ANKS1B: variants seen among roughly 807,000 people sequenced by gnomAD.
The protein encoded by ANKS1B is ankyrin repeat and sterile alpha motif domain-containing protein 1B.
ANKS1B carries 36 observed loss-of-function variants against 148.3 expected under a neutral mutation model. The ratio of observed to expected loss-of-function variants is 0.24; its 90% CI spans 0.19 to 0.32. ANKS1B has a LOEUF of 0.32. Ranked by LOEUF, ANKS1B falls within the 10% of genes least tolerant of loss-of-function variation. ANKS1B has a pLI of 1.00. For missense variants in ANKS1B, 1,157 were observed against 1,542.6 expected (o/e 0.75, Z 4.19); for synonymous variants, 542 against 560.8 (o/e 0.97, Z 0.47).
chr12:99,866,247 T>C (rs946626489), intron 1 of ANKS1B, among the ~76,000 whole-genome samples: 1 of 152,162 alleles, frequency 6.6e-6, no homozygotes, highest in Non-Finnish European at 1.5e-5. Flanking sequence ...CCTAACTTTG[T>C]CCCTGGTCTT....
chr12:99,504,271 G>A (rs145831046), intron 10 of ANKS1B, among the ~76,000 whole-genome samples: 17 of 152,224 alleles, frequency 1.1e-4, no homozygotes, highest in African/African-American at 4.1e-4. Flanking sequence ...GTCCATTATG[G>A]CTTTTACCAG....
At chr12:99,582,180 T>G (rs1052637944) in intron 9 of ANKS1B, among the ~76,000 whole-genome samples, 1 of 151,700 alleles carries the variant, frequency 6.6e-6, no homozygotes, top group African/African-American at 2.4e-5. Context: ...TGGCCAATAA[T>G]AAGAATATGA....
rs1555536431 is a variant in ANKS1B at position 99,667,353 on chromosome 12, A to AAAAAAGAAAAGAAAAG, written c.1129-12144_1129-12143insCTTTTCTTTTCTTTTT. 2.9e-4 allele frequency among the ~76,000 whole-genome samples: 43 copies of AAAAAAGAAAAGAAAAG among 148,196 alleles called. No homozygotes were observed. In the East Asian group the frequency reaches 8.3e-3, roughly 29 times the overall value. On this transcript the variant is annotated intron_variant, in intron 8 of 26. Coordinates refer to ENST00000683438, the MANE Select transcript of ANKS1B (RefSeq NM_001352186.2). Reference sequence around the variant, plus strand: ...GACAGAGCGAGACTCTGTCTCAAAAAAAAAGAAAAGAAAAGAAAAGAAAAG... The same window carrying AAAAAAGAAAAGAAAAG: ...GACAGAGCGAGACTCTGTCTCAAAAAAAAAAGAAAAGAAAAGAAAAGAAAAGAAAAGAAAAGAAAAG...
chr12:99,515,563 T>C (rs1051108121), intron 9 of ANKS1B, among the ~76,000 whole-genome samples: 11 of 152,150 alleles, frequency 7.2e-5, no homozygotes, highest in African/African-American at 2.4e-4. Context: ...AGTTTCTGTA[T>C]CCATTCTTCT....
chr12:99,054,227 G>A (rs991280591), intron 16 of ANKS1B, among the ~76,000 whole-genome samples: 1 of 152,150 alleles, frequency 6.6e-6, no homozygotes, highest in Non-Finnish European at 1.5e-5. Flanking sequence ...CAACCTGATG[G>A]GGGCCTTCGG....
chr12:98,934,928 T>C (rs534056530), intron 17 of ANKS1B, among the ~76,000 whole-genome samples: 118 of 152,112 alleles, frequency 7.8e-4, no homozygotes, highest in African/African-American at 2.7e-3. Flanking sequence ...CTGCAAACAA[T>C]GTGGACAATT....
intron 14 of ANKS1B, among the ~76,000 whole-genome samples, chr12:99,200,033 G>T (rs575885378): frequency 3.3e-4 from 50 of 152,340 alleles, no homozygotes; most frequent in African/African-American, 1.1e-3. Context: ...TTCAGGCACA[G>T]GCCAGAACTG....
At chr12:99,972,098 C>T (rs186822856) in intron 1 of ANKS1B, among the ~76,000 whole-genome samples, 1 of 152,256 alleles carries the variant, frequency 6.6e-6, no homozygotes, top group Admixed American at 6.5e-5. Flanking sequence ...TCTCACCACT[C>T]CACCAACTGG....
At chr12:99,929,749 A>T (rs1222615527) in intron 1 of ANKS1B, among the ~76,000 whole-genome samples, 2 of 152,218 alleles carry the variant, frequency 1.3e-5, no homozygotes, top group African/African-American at 2.4e-5. Context: ...ATTTATTAAA[A>T]AGGGAATCCT....
chr12:99,231,111 G>A (rs979250069), intron 14 of ANKS1B, among the ~76,000 whole-genome samples: 2 of 152,136 alleles, frequency 1.3e-5, no homozygotes, highest in Non-Finnish European at 2.9e-5. Context: ...GAAAATAAGT[G>A]AAACCTAGGT....
At chr12:98,878,157 TA>T (rs1160445430) in intron 17 of ANKS1B, among the ~76,000 whole-genome samples, 3 of 106,778 alleles carry the variant, frequency 2.8e-5, no homozygotes, top group Non-Finnish European at 6.6e-5. Flanking sequence ...CTACATTTTC[TA>T]ATTTTTTTTT....
chr12:99,638,486 T>C (rs1258143938), intron 9 of ANKS1B, among the ~76,000 whole-genome samples: 3 of 152,190 alleles, frequency 2.0e-5, no homozygotes, highest in Non-Finnish European at 4.4e-5. Context: ...ATTTTGCTCC[T>C]GTCCTAGAGA....
intron 17 of ANKS1B, among the ~76,000 whole-genome samples, chr12:98,973,357 G>C (rs550714840): frequency 3.0e-4 from 45 of 152,222 alleles, no homozygotes; most frequent in African/African-American, 9.2e-4. Context: ...TATGTTTTAA[G>C]GTATTTCCAC....
At chr12:99,100,555 A>T (rs575457921) in intron 15 of ANKS1B, among the ~76,000 whole-genome samples, 37 of 152,294 alleles carry the variant, frequency 2.4e-4, no homozygotes, top group Non-Finnish European at 2.9e-5. Context: ...TTTGAGACAG[A>T]GTCTTGCTAT....
At chr12:98,943,935 A>G (rs1003027763) in intron 17 of ANKS1B, among the ~76,000 whole-genome samples, 2 of 152,160 alleles carry the variant, frequency 1.3e-5, no homozygotes, top group Non-Finnish European at 2.9e-5. Flanking sequence ...ATCCCTCGTG[A>G]ATGGCTTAGC....
intron 14 of ANKS1B, among the ~76,000 whole-genome samples, chr12:99,168,186 C>T (rs955394420): frequency 6.6e-6 from 1 of 152,064 alleles, no homozygotes; most frequent in Non-Finnish European, 1.5e-5. Context: ...AAATATATGC[C>T]GTTTGTTGTA....
At chr12:98,799,963 T>C (rs2098987169) in intron 21 of ANKS1B, among the ~76,000 whole-genome samples, 1 of 152,004 alleles carries the variant, frequency 6.6e-6, no homozygotes, top group African/African-American at 2.4e-5. Context: ...TGGAGACTTG[T>C]ACTCTGCAGA....
intron 9 of ANKS1B, chr12:99,649,440 A>G: frequency 6.7e-7 from 1 of 1,497,794 alleles, no homozygotes. Context: ...AAGAGTTCAC[A>G]CACCCCTGCA....
At chr12:99,654,924 GACA>G in intron 9 of ANKS1B, 140 bp downstream of exon 9, 1 of 867,792 alleles carries the variant, frequency 1.2e-6, no homozygotes, top group Non-Finnish European at 1.7e-6. Flanking sequence ...CATTTTACTT[GACA>G]CTTTGAGAAA....
Sources: allele counts gnomAD v4.1 joint callset (sites outside exome capture counted in the v4.1 genomes callset), GRCh38; gene constraint gnomAD v4.1.1; transcripts MANE v1.5; gene names NCBI Gene and HGNC (gene_info 2026-07-23, HGNC 2026-07-21).